Variants in SLC34A1 observed in about 807,000 individuals in gnomAD.
The protein encoded by SLC34A1 is solute carrier family 34 member 1.
Under a neutral mutation model 51.4 loss-of-function variants are expected in SLC34A1, and 57 were observed. The observed-to-expected ratio is 1.11, with a 90% CI of 0.90 to 1.38. SLC34A1 has a LOEUF of 1.38. SLC34A1 is among the 40% of genes most tolerant of loss of function. SLC34A1 has a pLI of 0.00. For synonymous variants in SLC34A1, 368 were observed against 358.0 expected (o/e 1.03, Z -0.32); for missense variants, 796 against 835.6 (o/e 0.95, Z 0.58).
intron 12 of SLC34A1, 106 bp from the exon 13 acceptor site, chr5:177,397,676 TC>T (rs1561635745): frequency 2.7e-6 from 4 of 1,497,912 alleles, no homozygotes; most frequent in Non-Finnish European, 3.7e-6. Context: ...GTGGAAACTT[TC>T]CTGCTGCCCA....
At chr5:177,389,291 AT>A (rs929628858) in intron 8 of SLC34A1, among the ~76,000 whole-genome samples, 15 of 152,170 alleles carry the variant, frequency 9.9e-5, no homozygotes, top group African/African-American at 3.4e-4. Flanking sequence ...ACATAACTCC[AT>A]TTACAATGAG....
intron 8 of SLC34A1, among the ~76,000 whole-genome samples, chr5:177,393,087 G>C (rs956883114): frequency 6.6e-6 from 1 of 152,172 alleles, no homozygotes; most frequent in African/African-American, 2.4e-5. Context: ...TCCACACACA[G>C]CCCGAGCTGC....
intron 8 of SLC34A1, among the ~76,000 whole-genome samples, chr5:177,389,300 G>T (rs2127349416): frequency 6.6e-6 from 1 of 152,230 alleles, no homozygotes; most frequent in South Asian, 2.1e-4. Context: ...CATTTACAAT[G>T]AGATACGAGG....
At chr5:177,389,248 C>G (rs1762711761) in intron 8 of SLC34A1, among the ~76,000 whole-genome samples, 1 of 152,156 alleles carries the variant, frequency 6.6e-6, no homozygotes, top group Admixed American at 6.5e-5. Context: ...CACAATGCAC[C>G]ATATTTGCTT....
rs147540873 is a variant in SLC34A1 at position 177,392,524 on chromosome 5, C to T, written c.937-1170C>T. Among the ~76,000 whole-genome samples the T allele has an allele frequency of 2.4e-3, 363 of 152,304 alleles. 1 individual carries two copies. The highest frequency in any genetic ancestry group is 8.2e-3 in the African/African-American group (342 of 41,562). On this transcript the variant is annotated intron_variant, in intron 8 of 12. Coordinates refer to ENST00000324417, the MANE Select transcript of SLC34A1 (RefSeq NM_003052.5). ...CCCAACAAGGCTACAAATGAGTTGT[C>T]CACAGGCCAGACTGGCCTGCTTCTG...
intron 8 of SLC34A1, chr5:177,389,509 T>TAAA (rs148980219): frequency 2.7e-5 from 30 of 1,132,032 alleles, no homozygotes; most frequent in Non-Finnish European, 4.9e-6. Context: ...CAGCCTTACA[T>TAAA]AAAAAAAAAC....
Position 177,396,840 on chromosome 5 carries a change from C to T in SLC34A1, c.1282C>T (p.Pro428Ser), listed in dbSNP as rs1165508894. 6.2e-7 allele frequency: 1 copy of T among 1,614,236 alleles called. No homozygotes were observed. Among genetic ancestry groups the T allele is most frequent in the Non-Finnish European group, 8.5e-7 (1 of 1,180,044 alleles). Residue 428 changes from proline (P) to serine (S), a missense_variant, in exon 11 of 13, where the codon CCA (proline) becomes TCA (serine). Physicochemically the swap from Pro to Ser is moderately conservative, Grantham distance 74. Transcript: ENST00000324417. The surrounding 1 kb of genome is among the most constrained non-coding windows in gnomAD (Gnocchi z 4.0). ...TTCTGTGTTCACCTCGGCCATCACC[C>T]CACTCATCGGTGAGTGCCCATGTAG... ...SSSVFTSAITPLIGLGVISIE... is the reference protein window; with the variant it reads ...SSSVFTSAITSLIGLGVISIE...
chr5:177,389,282 C>T (rs1762713075), intron 8 of SLC34A1, among the ~76,000 whole-genome samples: 2 of 152,158 alleles, frequency 1.3e-5, no homozygotes, highest in Non-Finnish European at 2.9e-5. Context: ...GCATGTGAGA[C>T]ATAACTCCAT....
At chr5:177,390,105 G>GTC (rs1762751911) in intron 8 of SLC34A1, 9 of 1,095,764 alleles carry the variant, frequency 8.2e-6, no homozygotes, top group Non-Finnish European at 1.0e-5. Flanking sequence ...GGGCCACAGA[G>GTC]TCTCCCCGTG....
At position 177,396,945 on chromosome 5, in the gene SLC34A1, C is replaced by T. The variant is rs1762989437; in HGVS notation, c.1292-5C>T. The T allele has an allele frequency of 2.5e-6, 4 of 1,614,162 alleles. No homozygotes were observed. Among genetic ancestry groups the T allele is most frequent in the Non-Finnish European group, 3.4e-6 (4 of 1,180,032 alleles). Reference sequence around the variant, plus strand: ...GGGTCCCACTTCCTCTCCCTCTGTCCCCAGGTCTTGGTGTGATCAGCATTG... The same window carrying T: ...GGGTCCCACTTCCTCTCCCTCTGTCTCCAGGTCTTGGTGTGATCAGCATTG... On this transcript the variant is annotated splice_polypyrimidine_tract_variant and splice_region_variant and intron_variant, in intron 11 of 12. Transcript: ENST00000324417. The surrounding 1 kb of genome is among the most constrained non-coding windows in gnomAD (Gnocchi z 4.0).
chr5:177,397,720 C>G (rs1045920288), intron 12 of SLC34A1, 63 bp from the exon 13 acceptor site: 1 of 1,596,610 alleles, frequency 6.3e-7, no homozygotes, highest in South Asian at 1.1e-5. Context: ...TCTACCCCTG[C>G]TGGCCTGACA....
rs181805045 is a variant in SLC34A1, at chr5:177,384,815, T to C, written c.-48+328T>C. 2.4e-3 allele frequency among the ~76,000 whole-genome samples: 370 copies of C among 151,346 alleles called. 1 individual carries two copies. The highest frequency in any genetic ancestry group is 8.2e-3 in the African/African-American group (335 of 41,102). ...AGGCAGAGGTTGCAGTGAGCCAAGA[T>C]TGTGCCACTGCACTCCAGCCTGGGC... is the stretch of plus-strand genomic sequence containing the variant. On this transcript the variant is annotated intron_variant, in intron 1 of 12. Coordinates refer to ENST00000324417, the MANE Select transcript of SLC34A1 (RefSeq NM_003052.5).
In SLC34A1 at chr5:177,398,458, TGTGGGG is replaced by T; in HGVS notation, c.*176_*181del. 1 of 781,478 alleles carries T rather than the reference TGTGGGG, an allele frequency of 1.3e-6. No homozygotes were observed. The highest frequency in any genetic ancestry group is 2.2e-6 in the Non-Finnish European group (1 of 453,582). 48.4% of individuals were successfully genotyped at this position (781,478 alleles called of 1,614,324 possible). A position where few individuals can be genotyped will look rare whatever the true frequency, so the allele number is the denominator to read the frequency against. ...GTGAGAGTGTCGGTGTGTGTGCATG[TGTGGGG>T]GTGAGTCTGCATGTGCACCTGTCAT... On this transcript the variant is annotated 3_prime_UTR_variant, in exon 13 of 13. Coordinates refer to ENST00000324417, the MANE Select transcript of SLC34A1 (RefSeq NM_003052.5). The surrounding 1 kb of genome is among the most constrained non-coding windows in gnomAD (Gnocchi z 4.7).
chr5:177,392,997 G>A (rs899021929), intron 8 of SLC34A1, among the ~76,000 whole-genome samples: 3 of 152,160 alleles, frequency 2.0e-5, no homozygotes, highest in Non-Finnish European at 4.4e-5. Flanking sequence ...ACTAGGCTGC[G>A]TCCCTGGATG....
In SLC34A1 at chr5:177,385,834, C is replaced by T. The variant is rs144202147; in HGVS notation, c.93C>T (p.Tyr31=). The T allele has an allele frequency of 1.4e-5, 22 of 1,613,524 alleles. No individual in the cohort carries two copies. The highest frequency in any genetic ancestry group is 4.5e-5 in the East Asian group (2 of 44,842). The change falls in exon 2 of 13, where the codon TAC becomes TAT. Residue 31 remains tyrosine, a synonymous_variant. Transcript: ENST00000324417. The stretch of plus-strand genomic sequence containing the variant: ...TGATGCGAGGGACGGCCTTTGCCTA[C>T]GTGCCCAGCCCTCAGGGTAAGTGCT... ...GHVMRGTAFA[Y]VPSPQVLHRI...
In SLC34A1 at chr5:177,394,570, T is replaced by C. The variant is rs140452711; in HGVS notation, c.1174+375T>C. On this transcript the variant is annotated intron_variant, in intron 10 of 12. Coordinates refer to ENST00000324417, the MANE Select transcript of SLC34A1 (RefSeq NM_003052.5). ...GCAGGGGGAGGAAAGCAATGAAAAA[T>C]ACATGAGATTGGCAAATGGCTCACA... Among the ~76,000 whole-genome samples the C allele has an allele frequency of 6.5e-3, 979 of 151,752 alleles. 11 individuals carry two copies. The highest frequency in any genetic ancestry group is 0.022 in the African/African-American group (908 of 41,350).
chr5:177,386,395 T>C lies in SLC34A1; in HGVS notation c.389-28T>C, dbSNP rs1473719573. Reference sequence around the variant, plus strand: ...ACCTGGGAGGGGTTCCTGAAGGGCCTTGGACAACGCTGGCTCATGCTCCCC... The same window carrying C: ...ACCTGGGAGGGGTTCCTGAAGGGCCCTGGACAACGCTGGCTCATGCTCCCC... On this transcript the variant is annotated intron_variant, in intron 4 of 12. Coordinates refer to ENST00000324417, the MANE Select transcript of SLC34A1 (RefSeq NM_003052.5). The surrounding 1 kb of genome is among the most constrained non-coding windows in gnomAD (Gnocchi z 4.8). The C allele has an allele frequency of 6.2e-7, 1 of 1,614,098 alleles. No individual in the cohort carries two copies. Among genetic ancestry groups the C allele is most frequent in the Non-Finnish European group, 8.5e-7 (1 of 1,180,040 alleles).
chr5:177,394,546 CA>C (rs1479597713), intron 10 of SLC34A1, among the ~76,000 whole-genome samples: 5 of 152,148 alleles, frequency 3.3e-5, no homozygotes, highest in Admixed American at 2.6e-4. Flanking sequence ...CACAGCCCAG[CA>C]GGGGGAGGAA....
At chr5:177,395,471 C>T (rs2127354187) in intron 10 of SLC34A1, among the ~76,000 whole-genome samples, 1 of 152,156 alleles carries the variant, frequency 6.6e-6, no homozygotes, top group African/African-American at 2.4e-5. Flanking sequence ...CAGTAGCTGG[C>T]AGGAGCAGGG....
Sources: allele counts gnomAD v4.1 joint callset (sites outside exome capture counted in the v4.1 genomes callset), GRCh38; gene constraint gnomAD v4.1.1; non-coding constraint Gnocchi (gnomAD v3.1); transcripts MANE v1.5; gene names NCBI Gene and HGNC (gene_info 2026-07-23, HGNC 2026-07-21).